The following ABCA13 variants were observed in gnomAD, a reference collection of about 807,000 sequenced individuals.
The protein encoded by ABCA13 is ATP binding cassette subfamily A member 13.
A neutral mutation model predicts 478.7 loss-of-function variants in ABCA13; 476 were observed. That is an observed-to-expected ratio of 0.99 (90% CI 0.92 to 1.07). The LOEUF is 1.07. ABCA13 is among the 50% of genes least tolerant of loss of function. The pLI is 0.00. For synonymous variants in ABCA13, 2,252 were observed against 2,158.9 expected, an observed-to-expected ratio of 1.04 and a Z score of -1.20; for missense variants, 6,060 against 5,910.6, an observed-to-expected ratio of 1.03 and a Z score of -0.83.
intron 59 of ABCA13, among the ~76,000 whole-genome samples, chr7:48,627,383 CT>C (rs1372338712): frequency 6.6e-6 from 1 of 152,178 alleles, no homozygotes; most frequent in Non-Finnish European, 1.5e-5. Flanking sequence ...ACACTTTACT[CT>C]TTGTTGAATT....
intron 53 of ABCA13, among the ~76,000 whole-genome samples, chr7:48,522,429 C>T (rs957343579): frequency 6.6e-6 from 1 of 152,156 alleles, no homozygotes; most frequent in Admixed American, 6.5e-5. Flanking sequence ...TGTCTCCTGC[C>T]TAGAGCTGCA....
chr7:48,489,052 A>G (rs139309015), intron 47 of ABCA13, among the ~76,000 whole-genome samples, 184 bp from the exon 48 acceptor site: 2 of 152,338 alleles, frequency 1.3e-5, no homozygotes, highest in African/African-American at 4.8e-5. Flanking sequence ...CTGGAGATAA[A>G]TATAAAATTA....
intron 15 of ABCA13, among the ~76,000 whole-genome samples, chr7:48,262,711 G>A (rs2128725629): frequency 6.6e-6 from 1 of 151,978 alleles, no homozygotes; most frequent in South Asian, 2.1e-4. Context: ...CAAGCTGGTG[G>A]GAATTATACA....
intron 45 of ABCA13, among the ~76,000 whole-genome samples, chr7:48,475,113 C>T (rs946101051): frequency 6.6e-5 from 10 of 152,214 alleles, no homozygotes; most frequent in Admixed American, 6.5e-5. Flanking sequence ...GCAAATTTGA[C>T]TGCAAGAGTC....
At chr7:48,513,082 G>T (rs1831831190) in intron 51 of ABCA13, among the ~76,000 whole-genome samples, 1 of 152,208 alleles carries the variant, frequency 6.6e-6, no homozygotes, top group African/African-American at 2.4e-5. Flanking sequence ...GGCAGTGAGA[G>T]ACCCGGTCTG....
Position 48,391,373 on chromosome 7 carries a change from T to A in ABCA13, c.11655-548T>A, listed in dbSNP as rs544395700. ...CTTACAATGGTTCAACTTAATGATATTTTGACTTTATGATGGTGTGAAAGT... is the reference window on the plus strand; with the variant it reads ...CTTACAATGGTTCAACTTAATGATAATTTGACTTTATGATGGTGTGAAAGT... On this transcript the variant is annotated intron_variant, in intron 37 of 61. Coordinates refer to ENST00000435803, the MANE Select transcript of ABCA13 (RefSeq NM_152701.5). Among the ~76,000 whole-genome samples the A allele has an allele frequency of 1.1e-3, 161 of 152,336 alleles. 1 individual carries two copies. Among genetic ancestry groups the A allele is most frequent in the African/African-American group, 3.8e-3 (159 of 41,568 alleles).
intron 42 of ABCA13, among the ~76,000 whole-genome samples, chr7:48,442,268 T>C (rs1327885859): frequency 7.7e-6 from 1 of 130,154 alleles, no homozygotes; most frequent in Non-Finnish European, 1.7e-5. Context: ...CAGCTTGGGC[T>C]GCCAAACTGC....
At chr7:48,399,025 G>A (rs1351450997) in intron 38 of ABCA13, among the ~76,000 whole-genome samples, 1 of 152,086 alleles carries the variant, frequency 6.6e-6, no homozygotes, top group East Asian at 1.9e-4. Context: ...GTATGTGGAG[G>A]GCTCTAGTGA....
At position 48,520,421 on chromosome 7, in the gene ABCA13, G is replaced by A. The variant is rs751868584; in HGVS notation, c.14051+127G>A. On this transcript the variant is annotated intron_variant, in intron 53 of 61. Coordinates refer to ENST00000435803, the MANE Select transcript of ABCA13 (RefSeq NM_152701.5). Reference sequence around the variant, plus strand: ...TCAGCATTATACATAGTTCTAATGCGTTAAGATTTTATTATTTTTTAAACA... The same window carrying A: ...TCAGCATTATACATAGTTCTAATGCATTAAGATTTTATTATTTTTTAAACA... The A allele has an allele frequency of 3.2e-5, 34 of 1,070,688 alleles. No individual in the cohort carries two copies. The African/African-American group carries it at 4.1e-4, about 13-fold the overall frequency. 66.3% of individuals were successfully genotyped at this position (1,070,688 alleles called of 1,614,324 possible). A position where few individuals can be genotyped will look rare whatever the true frequency, so the allele number is the denominator to read the frequency against.
chr7:48,301,854 A>T lies in ABCA13; in HGVS notation c.9321+3367A>T, dbSNP rs570209087. ...TTTGTTGTCCTACCAGAGTATTCTC[A>T]GTAAATGTGGTAGGTTCTCATTAAA... On this transcript the variant is annotated intron_variant, in intron 23 of 61. Transcript: ENST00000435803. Among the ~76,000 whole-genome samples the T allele has an allele frequency of 1.2e-4, 19 of 152,318 alleles. 1 individual carries two copies. The South Asian group carries it at 3.7e-3, about 30-fold the overall frequency.
At chr7:48,426,436 T>C (rs34832520) in intron 41 of ABCA13, among the ~76,000 whole-genome samples, 41,800 of 152,072 alleles carry the variant, frequency 0.27, 5,904 homozygotes, top group East Asian at 0.37. Context: ...CTAGAGACAG[T>C]CAATCCCTTT....
Position 48,374,429 on chromosome 7 carries a change from A to C in ABCA13, c.11203+13A>C. 6.2e-7 allele frequency: 1 copy of C among 1,602,710 alleles called. No individual in the cohort carries two copies. The highest frequency in any genetic ancestry group is 8.5e-7 in the Non-Finnish European group (1 of 1,174,426). ...GGACAAGAGACAGGTAAGAGCATGC[A>C]TGTGTAAAAAGTGACTCTCAGTGAA... On this transcript the variant is annotated intron_variant, in intron 34 of 61. Coordinates refer to ENST00000435803, the MANE Select transcript of ABCA13 (RefSeq NM_152701.5).
chr7:48,241,100 G>A (rs750057506), intron 10 of ABCA13, 34 bp downstream of exon 10: 1 of 1,609,258 alleles, frequency 6.2e-7, no homozygotes, highest in Non-Finnish European at 8.5e-7. Flanking sequence ...TTATTGATTA[G>A]GTAGATGACA....
rs906471760 is a variant in ABCA13, at chr7:48,520,296, T to C, written c.14051+2T>C. ...CTGGGACCTTCTGCGATGGCCAAGG[T>C]GGGTTCTGAAGGACTCATCCTCGAG... is the stretch of plus-strand genomic sequence containing the variant. On this transcript the variant is annotated splice_donor_variant, in intron 53 of 61. Coordinates refer to ENST00000435803, the MANE Select transcript of ABCA13 (RefSeq NM_152701.5). LOFTEE classifies it high-confidence loss of function. The C allele has an allele frequency of 2.5e-6, 4 of 1,608,550 alleles. No homozygotes were observed. In the Middle Eastern group the frequency reaches 4.9e-4, roughly 199 times the overall value.
chr7:48,553,816 G>A (rs1177223367), intron 55 of ABCA13, among the ~76,000 whole-genome samples: 1 of 151,932 alleles, frequency 6.6e-6, no homozygotes, highest in Non-Finnish European at 1.5e-5. Flanking sequence ...TTAACTTGAT[G>A]TGATCCCATT....
At chr7:48,628,956 A>G (rs1267090880) in intron 59 of ABCA13, among the ~76,000 whole-genome samples, 1 of 152,190 alleles carries the variant, frequency 6.6e-6, no homozygotes, top group African/African-American at 2.4e-5. Context: ...ACTAACAAGA[A>G]CAATAACTGA....
intron 42 of ABCA13, among the ~76,000 whole-genome samples, chr7:48,440,647 T>A (rs1823460226): frequency 6.6e-6 from 1 of 152,016 alleles, no homozygotes; most frequent in South Asian, 2.1e-4. Flanking sequence ...TATTAGGTTC[T>A]CATAAACATT....
intron 41 of ABCA13, among the ~76,000 whole-genome samples, chr7:48,426,900 GC>G (rs1183561561): frequency 6.7e-6 from 1 of 149,716 alleles, no homozygotes; most frequent in African/African-American, 2.5e-5. Context: ...ATACAACGAG[GC>G]AGCCAACACT....
chr7:48,583,199 A>G (rs1467536233), intron 56 of ABCA13, among the ~76,000 whole-genome samples: 1 of 152,108 alleles, frequency 6.6e-6, no homozygotes, highest in East Asian at 1.9e-4. Flanking sequence ...GCTTCCCCTT[A>G]TCTTCTGTAA....
Sources: gnomAD v4.1 joint callset for allele counts (sites outside exome capture counted in the v4.1 genomes callset) on GRCh38, gnomAD v4.1.1 for gene constraint, MANE v1.5 for transcripts, NCBI Gene and HGNC (gene_info 2026-07-23, HGNC 2026-07-21) for gene names.